The following DVL3 variants were observed in gnomAD, a reference collection of about 807,000 sequenced individuals.
DVL3 encodes the protein dishevelled segment polarity protein 3, also known as segment polarity protein dishevelled homolog DVL-3.
A neutral mutation model predicts 67.4 loss-of-function variants in DVL3; 27 were observed. That is an observed-to-expected ratio of 0.40 (90% CI 0.30 to 0.55). The LOEUF is 0.55. Ranked by LOEUF, DVL3 falls within the 20% of genes least tolerant of loss-of-function variation. The pLI is 0.46. For synonymous variants in DVL3, 369 were observed against 396.8 expected, an observed-to-expected ratio of 0.93 and a Z score of 0.83; for missense variants, 819 against 1,021.5, an observed-to-expected ratio of 0.80 and a Z score of 2.70.
rs1311858278 is a variant in DVL3 at position 184,166,400 on chromosome 3, A to T, written c.904-46A>T. 8.1e-6 allele frequency: 13 copies of T among 1,613,044 alleles called. No individual in the cohort carries two copies. The highest frequency in any genetic ancestry group is 1.1e-5 in the Non-Finnish European group (13 of 1,179,214). On this transcript the variant is annotated intron_variant, in intron 8 of 14. Transcript: ENST00000313143. The surrounding 1 kb of genome is among the most constrained non-coding windows in gnomAD (Gnocchi z 6.7). The stretch of plus-strand genomic sequence containing the variant: ...ACCTACCAAGTTGAGTTCCCTTTTC[A>T]TCCTCCCCAGCACAGCTGTTTATCC...
At chr3:184,159,896 CATTTT>C (rs1344872927) in intron 1 of DVL3, among the ~76,000 whole-genome samples, 4 of 151,848 alleles carry the variant, frequency 2.6e-5, no homozygotes, top group Non-Finnish European at 4.4e-5. Flanking sequence ...TCAGCCAAAG[CATTTT>C]ATTTTATTTT....
At chr3:184,156,544 A>T in intron 1 of DVL3, 1 of 450,110 alleles carries the variant, frequency 2.2e-6, no homozygotes, top group Non-Finnish European at 4.5e-6. Context: ...GATAGCCAGG[A>T]AGAGTTTCTT....
intron 1 of DVL3, chr3:184,156,242 C>T: frequency 4.5e-6 from 2 of 449,074 alleles, no homozygotes. Context: ...AGCTCCCAGC[C>T]ATATTTGGAG....
Position 184,172,618 on chromosome 3 carries a change from C to G in DVL3, c.*1863C>G, listed in dbSNP as rs1290248819. 6.6e-6 allele frequency: 1 copy of G among 152,196 alleles called. No homozygotes were observed. The highest frequency in any genetic ancestry group is 2.4e-5 in the African/African-American group (1 of 41,436). 9.4% of individuals were successfully genotyped at this position (152,196 alleles called of 1,614,324 possible). ...GTGTTTTGGCACCTGCCTGTAATCTCAGCTACTCAGGAGGCTGAGGCACAA... is the reference window on the plus strand; with the variant it reads ...GTGTTTTGGCACCTGCCTGTAATCTGAGCTACTCAGGAGGCTGAGGCACAA... On this transcript the variant is annotated 3_prime_UTR_variant, in exon 15 of 15. Coordinates refer to ENST00000313143, the MANE Select transcript of DVL3 (RefSeq NM_004423.4).
intron 1 of DVL3, among the ~76,000 whole-genome samples, chr3:184,158,779 C>CT (rs34189027): frequency 0.32 from 42,475 of 131,492 alleles, 7,276 homozygotes; most frequent in East Asian, 0.53. Context: ...AATTTTTTTT[C>CT]TTTTTTTTTT....
At position 184,170,298 on chromosome 3, in the gene DVL3, G is replaced by C. The variant is rs1459521231; in HGVS notation, c.1715-21G>C. ...CCGCCCGCTCAGCCTGCCCCACCCC[G>C]GCCCTGTTTGCCTCCTACAGGCAGT... On this transcript the variant is annotated intron_variant, in intron 14 of 14. Coordinates refer to ENST00000313143, the MANE Select transcript of DVL3 (RefSeq NM_004423.4). This position sits in a 1 kb window ranked among gnomAD's most constrained non-coding sequence, Gnocchi z 6.5. 2.5e-6 allele frequency: 4 copies of C among 1,590,948 alleles called. No homozygotes were observed. The highest frequency in any genetic ancestry group is 1.8e-5 in the Admixed American group (1 of 56,812).
rs776656546 is a variant in DVL3 at position 184,155,780 on chromosome 3, A to G, written c.145A>G (p.Met49Val). 3.7e-6 allele frequency: 6 copies of G among 1,610,176 alleles called. No individual in the cohort carries two copies. The highest frequency in any genetic ancestry group is 1.7e-4 in the Middle Eastern group (1 of 6,046). ...CAGCTATAAGTTCTTCTTCAAGTCT[A>G]TGGACGACGATTTCGGGTGAGGATG... ...RPSYKFFFKS[M>V]DDDFGVVKEE... Residue 49 changes from methionine (M) to valine (V), a missense_variant, in exon 1 of 15, where the codon ATG becomes GTG. Around this residue, in one of 3 missense-constraint regions of DVL3, gnomAD observed 385 missense variants for 486.8 expected, o/e 0.79. Coordinates refer to ENST00000313143, the MANE Select transcript of DVL3 (RefSeq NM_004423.4). The surrounding 1 kb of genome is among the most constrained non-coding windows in gnomAD (Gnocchi z 5.4).
intron 1 of DVL3, chr3:184,156,769 G>A (rs997278798): frequency 2.8e-5 from 8 of 283,692 alleles, no homozygotes; most frequent in African/African-American, 1.5e-4. Flanking sequence ...AGGGGGAGGC[G>A]CCCACACTTG....
At chr3:184,156,238 C>T in intron 1 of DVL3, 1 of 446,834 alleles carries the variant, frequency 2.2e-6, no homozygotes, top group South Asian at 1.6e-5. Context: ...GCACAGCTCC[C>T]AGCCATATTT....
At chr3:184,159,970 C>T (rs948752474) in intron 1 of DVL3, among the ~76,000 whole-genome samples, 7 of 151,332 alleles carry the variant, frequency 4.6e-5, no homozygotes, top group South Asian at 2.1e-4. Flanking sequence ...GAGGGAGTCT[C>T]GCTGTGTCGC....
rs539896826 is a variant in DVL3 at position 184,163,443 on chromosome 3, C to T, written c.162-214C>T. On this transcript the variant is annotated intron_variant, in intron 1 of 14. Transcript: ENST00000313143. The surrounding 1 kb of genome is among the most constrained non-coding windows in gnomAD (Gnocchi z 4.5). The stretch of plus-strand genomic sequence containing the variant: ...AATCACCTGATGACTGAGAGGATGC[C>T]CCGGGAAGGTATCTGGCCTAGGCAG... 6.6e-6 allele frequency among the ~76,000 whole-genome samples: 1 copy of T among 152,038 alleles called. No individual in the cohort carries two copies. Among genetic ancestry groups the T allele is most frequent in the African/African-American group, 2.4e-5 (1 of 41,390 alleles).
rs772002837 is a variant in DVL3, at chr3:184,165,162, C to T, written c.649C>T (p.His217Tyr). Residue 217 changes from histidine (H) to tyrosine (Y), a missense_variant, in exon 6 of 15, where the codon CAC becomes TAC. By Grantham distance (83) the His-to-Tyr change is moderately conservative. This residue lies in a region of DVL3 where 385 missense variants were observed against 486.8 expected (regional missense o/e 0.79). Transcript: ENST00000313143. This position sits in a 1 kb window ranked among gnomAD's most constrained non-coding sequence, Gnocchi z 4.1. ...QSSASRLMRR[H>Y]KRRRRKQKVS... is the part of the protein sequence containing the mutation. The stretch of plus-strand genomic sequence containing the variant: ...CAGTGCCTCACGCCTGATGAGAAGA[C>T]ACAAGCGGCGGCGGCGGAAGCAGAA... The T allele has an allele frequency of 1.2e-6, 2 of 1,608,050 alleles. No individual in the cohort carries two copies. Among genetic ancestry groups the T allele is most frequent in the Non-Finnish European group, 1.7e-6 (2 of 1,177,362 alleles).
chr3:184,171,302 A>T lies in DVL3; in HGVS notation c.*547A>T. Reference sequence around the variant, plus strand: ...CCCTGCCTGCTGCCTCAGTCCTGCAACCTAAAGCTGTAGTCGCCTCCAATA... The same window carrying T: ...CCCTGCCTGCTGCCTCAGTCCTGCATCCTAAAGCTGTAGTCGCCTCCAATA... On this transcript the variant is annotated 3_prime_UTR_variant, in exon 15 of 15. Coordinates refer to ENST00000313143, the MANE Select transcript of DVL3 (RefSeq NM_004423.4). 5 of 1,032,698 alleles carry T rather than the reference A, an allele frequency of 4.8e-6. No homozygotes were observed. The highest frequency in any genetic ancestry group is 5.8e-6 in the Non-Finnish European group (5 of 860,108). 64.0% of individuals were successfully genotyped at this position (1,032,698 alleles called of 1,614,324 possible).
intron 1 of DVL3, among the ~76,000 whole-genome samples, chr3:184,158,646 G>C (rs34038340): frequency 1.5e-4 from 23 of 152,150 alleles, no homozygotes; most frequent in African/African-American, 5.1e-4. Context: ...GAGGAAGGCT[G>C]CTGTCTCTCC....
rs1577053538 is a variant in DVL3 at position 184,171,014 on chromosome 3, T to C, written c.*259T>C. ...TGCGCAGGACTTCCCAGGACCCCTT[T>C]TGTCTCTGGGACCAGACTTGTTGGT... is the stretch of plus-strand genomic sequence containing the variant. On this transcript the variant is annotated 3_prime_UTR_variant, in exon 15 of 15. Coordinates refer to ENST00000313143, the MANE Select transcript of DVL3 (RefSeq NM_004423.4). 1 of 1,418,500 alleles carries C rather than the reference T, an allele frequency of 7.0e-7. No individual in the cohort carries two copies. Among genetic ancestry groups the C allele is most frequent in the Non-Finnish European group, 9.3e-7 (1 of 1,076,380 alleles). 87.9% of individuals were successfully genotyped at this position (1,418,500 alleles called of 1,614,324 possible).
intron 1 of DVL3, among the ~76,000 whole-genome samples, chr3:184,158,176 A>G (rs1212412906): frequency 6.6e-6 from 1 of 152,112 alleles, no homozygotes; most frequent in Non-Finnish European, 1.5e-5. Context: ...CTCTACAAAA[A>G]AATTTTTTAA....
Position 184,165,064 on chromosome 3 carries a change from G to A in DVL3, c.600-49G>A. ...CAGGCCCTGCAGTGCCTCCCCTCAT[G>A]GGGGCAGGGCTGGGCCAGCCTGGTG... is the stretch of plus-strand genomic sequence containing the variant. On this transcript the variant is annotated intron_variant, in intron 5 of 14. Coordinates refer to ENST00000313143, the MANE Select transcript of DVL3 (RefSeq NM_004423.4). The surrounding 1 kb of genome is among the most constrained non-coding windows in gnomAD (Gnocchi z 4.1). 4 of 1,611,736 alleles carry A rather than the reference G, an allele frequency of 2.5e-6. No individual in the cohort carries two copies. Among genetic ancestry groups the A allele is most frequent in the South Asian group, 1.1e-5 (1 of 90,828 alleles).
At chr3:184,162,440 C>G (rs1420748358) in intron 1 of DVL3, among the ~76,000 whole-genome samples, 2 of 152,088 alleles carry the variant, frequency 1.3e-5, no homozygotes, top group Non-Finnish European at 2.9e-5. Flanking sequence ...CCTGCCTTGG[C>G]CTCCCAAAGT....
Position 184,171,445 on chromosome 3 carries a change from C to G in DVL3, c.*690C>G. On this transcript the variant is annotated 3_prime_UTR_variant, in exon 15 of 15. Transcript: ENST00000313143. ...TGCTCTACCCCTGCCCCATGCCTGC[C>G]CTGCGTGCTGGTTCCTTCAGACCCC... The G allele has an allele frequency of 1.0e-6, 1 of 987,930 alleles. No individual in the cohort carries two copies. The allele number at this position is 987,930 out of a possible 1,614,324, so 61.2% of individuals were successfully genotyped here.
Sources: allele counts gnomAD v4.1 joint callset (sites outside exome capture counted in the v4.1 genomes callset), GRCh38; gene constraint gnomAD v4.1.1; regional missense constraint gnomAD v4.1.1; non-coding constraint Gnocchi (gnomAD v3.1); transcripts MANE v1.5; gene names NCBI Gene and HGNC (gene_info 2026-07-23, HGNC 2026-07-21).